HEPHL1: variants seen among roughly 807,000 people sequenced by gnomAD.
HEPHL1 encodes the protein ferroxidase HEPHL1.
Under a neutral mutation model 122.0 loss-of-function variants are expected in HEPHL1, and 123 were observed. That is an observed-to-expected ratio of 1.01 (90% CI 0.87 to 1.17). HEPHL1 has a LOEUF of 1.17. Among genes scored for constraint, HEPHL1 ranks in the 50% most tolerant of loss-of-function variants. The pLI, the probability that HEPHL1 is intolerant of heterozygous loss-of-function variation, is 0.00. For synonymous variants in HEPHL1, 527 were observed against 508.9 expected (o/e 1.04, Z -0.48); for missense variants, 1,452 against 1,430.5 (o/e 1.01, Z -0.24).
rs1428413311 is a variant in HEPHL1 at position 94,106,092 on chromosome 11, CA to C, written c.3008del (p.His1003LeufsTer14). 1.9e-6 allele frequency: 3 copies of C among 1,589,152 alleles called. No homozygotes were observed. In the African/African-American group the frequency reaches 4.0e-5, roughly 21 times the overall value. Reference sequence around the variant, plus strand: ...AGGGATAGGAAGTGAAGTGGACATACATACCATCCATTATCATGCTGAGAGC... The same window carrying C: ...AGGGATAGGAAGTGAAGTGGACATACTACCATCCATTATCATGCTGAGAGC... ...LLGIGSEVDI[H>X]TIHYHAESFL... On this transcript the variant is annotated frameshift_variant, in exon 17 of 20. Coordinates refer to ENST00000315765, the MANE Select transcript of HEPHL1 (RefSeq NM_001098672.2). LOFTEE classifies it high-confidence loss of function.
chr11:94,074,096 G>T (rs1946101111), intron 8 of HEPHL1, among the ~76,000 whole-genome samples: 1 of 152,042 alleles, frequency 6.6e-6, no homozygotes, highest in South Asian at 2.1e-4. Flanking sequence ...AGACACCCTG[G>T]CTTCCTGGGA....
At chr11:94,111,086 T>G (rs1946445305) in intron 18 of HEPHL1, 21 bp downstream of exon 18, 2 of 1,543,716 alleles carry the variant, frequency 1.3e-6, no homozygotes, top group Admixed American at 2.0e-5. Flanking sequence ...CTGTCAGTGA[T>G]GCCAGATGAT....
rs1946472013 is a variant in HEPHL1, at chr11:94,113,967, T to C, written c.*2073T>C. ...ACACTCCTTGTTCTCAGCCTCACTCTTGAGAAAATCAACTCTGCCTTCACT... is the reference window on the plus strand; with the variant it reads ...ACACTCCTTGTTCTCAGCCTCACTCCTGAGAAAATCAACTCTGCCTTCACT... On this transcript the variant is annotated 3_prime_UTR_variant, in exon 20 of 20. Coordinates refer to ENST00000315765, the MANE Select transcript of HEPHL1 (RefSeq NM_001098672.2). 6.6e-6 allele frequency among the ~76,000 whole-genome samples: 1 copy of C among 152,234 alleles called. No homozygotes were observed. The highest frequency in any genetic ancestry group is 2.4e-5 in the African/African-American group (1 of 41,460).
At chr11:94,051,432 T>C (rs1313995993) in intron 2 of HEPHL1, among the ~76,000 whole-genome samples, 1 of 152,192 alleles carries the variant, frequency 6.6e-6, no homozygotes, top group Non-Finnish European at 1.5e-5. Flanking sequence ...CATACACCTG[T>C]TTACCATTTG....
intron 2 of HEPHL1, among the ~76,000 whole-genome samples, chr11:94,058,944 A>C (rs1299462449): frequency 2.0e-5 from 3 of 152,124 alleles, no homozygotes; most frequent in Non-Finnish European, 4.4e-5. Context: ...ATATTCACTA[A>C]ATTAGTTCAA....
intron 1 of HEPHL1, among the ~76,000 whole-genome samples, chr11:94,038,223 A>G (rs1473402945): frequency 2.6e-5 from 4 of 151,346 alleles, no homozygotes; most frequent in Non-Finnish European, 4.4e-5. Context: ...GACTATGTGA[A>G]AAGACCAAAT....
At chr11:94,055,710 G>T in intron 2 of HEPHL1, 1 of 376,866 alleles carries the variant, frequency 2.7e-6, no homozygotes, top group South Asian at 2.2e-5. Flanking sequence ...CTGTGATCTT[G>T]ACATTCTGTA....
intron 17 of HEPHL1, among the ~76,000 whole-genome samples, chr11:94,109,577 G>C (rs1416847207): frequency 1.3e-5 from 2 of 152,038 alleles, no homozygotes; most frequent in Admixed American, 6.6e-5. Flanking sequence ...TCTATCAAAT[G>C]GTTTTTCTGC....
At chr11:94,067,791 T>A (rs1325602630) in intron 5 of HEPHL1, 41 bp downstream of exon 5, 1 of 1,594,302 alleles carries the variant, frequency 6.3e-7, no homozygotes, top group African/African-American at 1.3e-5. Flanking sequence ...TTTAGAATGG[T>A]ACAATCAAAC....
At position 94,045,731 on chromosome 11, in the gene HEPHL1, G is replaced by C. The variant is rs748917040; in HGVS notation, c.229G>C (p.Ala77Pro). 5 of 1,613,276 alleles carry C rather than the reference G, an allele frequency of 3.1e-6. No homozygotes were observed. Among genetic ancestry groups the C allele is most frequent in the South Asian group, 2.2e-5 (2 of 90,958 alleles). Residue 77 changes from alanine (A) to proline (P), a missense_variant, in exon 2 of 20, where the codon GCT becomes CCT. Coordinates refer to ENST00000315765, the MANE Select transcript of HEPHL1 (RefSeq NM_001098672.2). ...CAGGATAGGCAGTATTTACAAAAAG[G>C]CTGTTTACAGACGCTTCACGGATGG... ...PNRIGSIYKK[A>P]VYRRFTDGTY... is the part of the protein sequence containing the mutation.
chr11:94,086,903 A>G (rs1565358573), intron 11 of HEPHL1, among the ~76,000 whole-genome samples: 1 of 152,200 alleles, frequency 6.6e-6, no homozygotes. Flanking sequence ...ATGTTTTTCC[A>G]AACCAATTTT....
chr11:94,089,275 G>A (rs1357075318), intron 12 of HEPHL1, among the ~76,000 whole-genome samples: 7 of 152,134 alleles, frequency 4.6e-5, no homozygotes, highest in African/African-American at 7.2e-5. Context: ...AGTGGGGCTG[G>A]GAAGACAAAA....
rs1161324232 is a variant in HEPHL1, at chr11:94,067,496, CCCTCAATGGATA to C, written c.814_825del (p.Asn272_Leu275del). On this transcript the variant is annotated inframe_deletion and splice_region_variant, in exon 5 of 20. Coordinates refer to ENST00000315765, the MANE Select transcript of HEPHL1 (RefSeq NM_001098672.2). ...TCCACTAGCGTGTTTCTGTTTCCAG[CCCTCAATGGATA>C]CCTCTTCGGAAACTTCCCGGAGCCT... is the stretch of plus-strand genomic sequence containing the variant. 1 of 1,612,238 alleles carries C rather than the reference CCCTCAATGGATA, an allele frequency of 6.2e-7. No homozygotes were observed. The highest frequency in any genetic ancestry group is 8.5e-7 in the Non-Finnish European group (1 of 1,178,578).
In HEPHL1 at chr11:94,029,583, G is replaced by A. The variant is rs117239771; in HGVS notation, c.170+8045G>A. ...GTCTGATTCCATTGCCCTGAAGTGG[G>A]GCCTGAGAATAAAAATTTGGCAAAT... On this transcript the variant is annotated intron_variant, in intron 1 of 19. Coordinates refer to ENST00000315765, the MANE Select transcript of HEPHL1 (RefSeq NM_001098672.2). Among the ~76,000 whole-genome samples the A allele has an allele frequency of 3.2e-3, 484 of 152,314 alleles. 27 individuals carry two copies. In the East Asian group the frequency reaches 0.078, roughly 24 times the overall value.
intron 1 of HEPHL1, among the ~76,000 whole-genome samples, chr11:94,033,766 C>A (rs370748298): frequency 2.6e-5 from 4 of 152,102 alleles, no homozygotes; most frequent in African/African-American, 7.2e-5. Flanking sequence ...CATTAAACAC[C>A]AACTCTTCCA....
At position 94,075,340 on chromosome 11, in the gene HEPHL1, T is replaced by C. The variant is rs1946112298; in HGVS notation, c.1671T>C (p.Pro557=). 1.2e-6 allele frequency: 2 copies of C among 1,613,350 alleles called. No homozygotes were observed. The highest frequency in any genetic ancestry group is 3.3e-4 in the Middle Eastern group (2 of 5,994). Residue 557 remains proline (P), a synonymous_variant, in exon 9 of 20, where the codon CCT becomes CCC. Transcript: ENST00000315765. The stretch of plus-strand genomic sequence containing the variant: ...ACACCAGCTCTGGCCTGGTAGGGCC[T>C]TTGCTAGTCTGTAAAAAGGGCGTCC... ...IKDTSSGLVG[P]LLVCKKGVLN...
intron 1 of HEPHL1, among the ~76,000 whole-genome samples, chr11:94,030,143 G>A (rs1945660217): frequency 6.6e-6 from 1 of 152,170 alleles, no homozygotes; most frequent in Non-Finnish European, 1.5e-5. Flanking sequence ...TTGTATTATA[G>A]TTTTTACCCA....
At chr11:94,023,610 T>G (rs1158291275) in intron 1 of HEPHL1, among the ~76,000 whole-genome samples, 2 of 152,158 alleles carry the variant, frequency 1.3e-5, no homozygotes, top group Non-Finnish European at 2.9e-5. Context: ...GCATCAGATT[T>G]GAGTGAGATG....
chr11:94,039,348 ACTCAG>A (rs1945753934), intron 1 of HEPHL1, among the ~76,000 whole-genome samples: 2 of 152,082 alleles, frequency 1.3e-5, no homozygotes, highest in South Asian at 4.2e-4. Context: ...CAGGAATTGA[ACTCAG>A]CTCTGCACCA....
Sources: allele counts gnomAD v4.1 joint callset (sites outside exome capture counted in the v4.1 genomes callset), GRCh38; gene constraint gnomAD v4.1.1; transcripts MANE v1.5; gene names NCBI Gene and HGNC (gene_info 2026-07-23, HGNC 2026-07-21).